The following CNTLN variants were observed in gnomAD, a reference collection of about 807,000 sequenced individuals.
CNTLN encodes centlein, also known as centlein, centrosomal protein.
Under a neutral mutation model 180.0 loss-of-function variants are expected in CNTLN, and 212 were observed. The ratio of observed to expected loss-of-function variants is 1.18; its 90% CI spans 1.05 to 1.32. CNTLN has a LOEUF of 1.32. CNTLN is among the 40% of genes most tolerant of loss of function. The probability of loss-of-function intolerance (pLI) is 0.00; values close to 1 mark genes in which losing one functional copy is unlikely to be tolerated. For missense variants in CNTLN, 2,095 were observed against 1,610.9 expected (o/e 1.30, Z -5.14); for synonymous variants, 722 against 563.1 (o/e 1.28, Z -3.99).
At chr9:17,508,749 C>T (rs1833977412), downstream of CNTLN, among the ~76,000 whole-genome samples, 1 of 152,220 alleles carries the variant, frequency 6.6e-6, no homozygotes, top group East Asian at 1.9e-4. Flanking sequence ...CAATAGCCCA[C>T]TTATTTTTAA....
the CNTLN span, among the ~76,000 whole-genome samples, chr9:17,511,644 T>TCA: frequency 3.0e-4 from 25 of 83,762 alleles, no homozygotes; most frequent in East Asian, 6.4e-4. Context: ...TCTCTCTCTC[T>TCA]CTCTCACACA....
At chr9:17,350,654 G>A (rs913747721) in intron 12 of CNTLN, among the ~76,000 whole-genome samples, 1 of 152,102 alleles carries the variant, frequency 6.6e-6, no homozygotes, top group Admixed American at 6.5e-5. Context: ...CAAGATCATG[G>A]TGCCGATGGA....
rs533330528 is a variant in CNTLN, at chr9:17,142,931, T to C, written c.361-357T>C. ...GAAGCATTATAGAGTGAATGGGAGATAGGAAACAGACATAGTAATTACAGG... is the reference window on the plus strand; with the variant it reads ...GAAGCATTATAGAGTGAATGGGAGACAGGAAACAGACATAGTAATTACAGG... On this transcript the variant is annotated intron_variant, in intron 1 of 25. Transcript: ENST00000380647. Among the ~76,000 whole-genome samples, 4 of 152,268 alleles carry C rather than the reference T, an allele frequency of 2.6e-5. No individual in the cohort carries two copies. In the East Asian group the frequency reaches 5.8e-4, roughly 22 times the overall value.
chr9:17,254,877 C>T (rs932221306), intron 5 of CNTLN, among the ~76,000 whole-genome samples: 9 of 151,552 alleles, frequency 5.9e-5, no homozygotes, highest in South Asian at 2.1e-4. Context: ...TCACTTTTGG[C>T]GTTTTTTACA....
intron 5 of CNTLN, among the ~76,000 whole-genome samples, chr9:17,246,586 A>G (rs1305361464): frequency 6.6e-6 from 1 of 152,156 alleles, no homozygotes; most frequent in Non-Finnish European, 1.5e-5. Flanking sequence ...AGGACTCCAC[A>G]ATCAGCAATT....
At chr9:17,448,416 T>C (rs1359459785) in intron 18 of CNTLN, 1 of 152,164 alleles carries the variant, frequency 6.6e-6, no homozygotes, top group Non-Finnish European at 1.5e-5. Flanking sequence ...AGCCAGATCT[T>C]TGTTTTTAAG....
In CNTLN at chr9:17,194,356, G is replaced by A. The variant is rs113675883; in HGVS notation, c.450-31847G>A. Among the ~76,000 whole-genome samples, 272 of 152,214 alleles carry A rather than the reference G, an allele frequency of 1.8e-3. 5 individuals carry two copies. Among genetic ancestry groups the A allele is most frequent in the African/African-American group, 6.4e-3 (264 of 41,548 alleles). ...CTTATAAACCTAAATGTCTTTAACA[G>A]TATCCAAGTCACCTCTTGAATGCTT... On this transcript the variant is annotated intron_variant, in intron 2 of 25. Coordinates refer to ENST00000380647, the MANE Select transcript of CNTLN (RefSeq NM_017738.4).
At chr9:17,353,838 C>G (rs1210064379) in intron 12 of CNTLN, among the ~76,000 whole-genome samples, 1 of 152,156 alleles carries the variant, frequency 6.6e-6, no homozygotes, top group East Asian at 1.9e-4. Flanking sequence ...TTTGGTGGCA[C>G]TTGAGGAGCC....
At chr9:17,140,987 T>G (rs1282675104) in intron 1 of CNTLN, among the ~76,000 whole-genome samples, 3 of 152,150 alleles carry the variant, frequency 2.0e-5, no homozygotes, top group Non-Finnish European at 4.4e-5. Context: ...AATTAATAAC[T>G]TGCTTTTTCA....
intron 18 of CNTLN, among the ~76,000 whole-genome samples, chr9:17,446,400 CAT>C (rs932522748): frequency 4.6e-5 from 7 of 152,146 alleles, no homozygotes; most frequent in African/African-American, 1.4e-4. Context: ...ATTTAAGAAA[CAT>C]ATGTCTTTCG....
In CNTLN at chr9:17,143,307, G is replaced by T; in HGVS notation, c.380G>T (p.Trp127Leu). 6.2e-7 allele frequency: 1 copy of T among 1,612,990 alleles called. No individual in the cohort carries two copies. The highest frequency in any genetic ancestry group is 8.5e-7 in the Non-Finnish European group (1 of 1,179,366). The change falls in exon 2 of 26, where the codon TGG (tryptophan) becomes TTG (leucine). Residue 127 changes from tryptophan (W) to leucine (L), a missense_variant. Coordinates refer to ENST00000380647, the MANE Select transcript of CNTLN (RefSeq NM_017738.4). ...ALCQADKEFVWSLWKRLQVTN... is the reference protein window; with the variant it reads ...ALCQADKEFVLSLWKRLQVTN... ...TTTAAGGCTGATAAAGAATTTGTAT[G>T]GTCTTTGTGGAAACGTCTCCAGGTT...
chr9:17,232,198 A>G (rs1048349384), intron 3 of CNTLN, among the ~76,000 whole-genome samples: 3 of 152,082 alleles, frequency 2.0e-5, no homozygotes, highest in Admixed American at 6.6e-5. Context: ...TTTAGAGTTT[A>G]TCAGTGCTCT....
chr9:17,223,693 T>A (rs1183790365), intron 2 of CNTLN, among the ~76,000 whole-genome samples: 1 of 152,052 alleles, frequency 6.6e-6, no homozygotes, highest in Non-Finnish European at 1.5e-5. Context: ...TTTTGCTTTC[T>A]CCCTTGACCC....
chr9:17,301,131 CAA>C (rs1818315634), intron 7 of CNTLN: 1 of 985,356 alleles, frequency 1.0e-6, no homozygotes. Flanking sequence ...GATAAGATAT[CAA>C]AGAGACAAAT....
chr9:17,411,397 T>C (rs954072197), intron 16 of CNTLN, among the ~76,000 whole-genome samples: 2 of 152,202 alleles, frequency 1.3e-5, no homozygotes, highest in African/African-American at 4.8e-5. Context: ...AAAGGCCTAA[T>C]GGGAACCTAG....
At chr9:17,449,445 T>C (rs915159100) in intron 18 of CNTLN, among the ~76,000 whole-genome samples, 4 of 151,974 alleles carry the variant, frequency 2.6e-5, no homozygotes, top group African/African-American at 9.7e-5. Context: ...TGTATACATA[T>C]GTAACTAACC....
chr9:17,467,879 C>T (rs1265430829), intron 23 of CNTLN, among the ~76,000 whole-genome samples: 1 of 151,724 alleles, frequency 6.6e-6, no homozygotes, highest in African/African-American at 2.4e-5. Context: ...ACCCAGCAAT[C>T]CCATTATTGG....
intron 14 of CNTLN, among the ~76,000 whole-genome samples, chr9:17,390,456 C>G (rs1003318272): frequency 6.6e-6 from 1 of 151,924 alleles, no homozygotes; most frequent in Non-Finnish European, 1.5e-5. Flanking sequence ...GTTGGCCAGG[C>G]TGGTCTCGAA....
intron 5 of CNTLN, among the ~76,000 whole-genome samples, chr9:17,250,239 A>T (rs1826056654): frequency 6.6e-6 from 1 of 151,402 alleles, no homozygotes; most frequent in Non-Finnish European, 1.5e-5. Flanking sequence ...GTTCCTTTTA[A>T]CTTGTTTGTA....
Sources: allele counts gnomAD v4.1 joint callset (sites outside exome capture counted in the v4.1 genomes callset), GRCh38; gene constraint gnomAD v4.1.1; transcripts MANE v1.5; gene names NCBI Gene and HGNC (gene_info 2026-07-23, HGNC 2026-07-21).